The following ARL9 variants were observed in gnomAD, a reference collection of about 807,000 sequenced individuals.
The protein encoded by ARL9 is ADP-ribosylation factor-like protein 9.
A neutral mutation model predicts 27.0 loss-of-function variants in ARL9; 14 were observed. The ratio of observed to expected loss-of-function variants is 0.52; its 90% CI spans 0.34 to 0.81. The LOEUF (loss-of-function observed/expected upper bound fraction) is 0.81, where lower values mean the gene tolerates loss of function less well. Among genes scored for constraint, ARL9 ranks in the 30% least tolerant of loss-of-function variants. The pLI, the probability that ARL9 is intolerant of heterozygous loss-of-function variation, is 0.01. For synonymous variants in ARL9, 106 were observed against 108.7 expected, an observed-to-expected ratio of 0.98 and a Z score of 0.15; for missense variants, 294 against 290.0, an observed-to-expected ratio of 1.01 and a Z score of -0.10.
intron 1 of ARL9, among the ~76,000 whole-genome samples, chr4:56,507,391 T>C (rs2110140860): frequency 6.6e-6 from 1 of 151,244 alleles, no homozygotes; most frequent in East Asian, 2.0e-4. Context: ...CTCGGCTCAC[T>C]GCAACCTCCA....
At chr4:56,508,945 G>C (rs1013841119) in intron 1 of ARL9, among the ~76,000 whole-genome samples, 14 of 152,110 alleles carry the variant, frequency 9.2e-5, no homozygotes, top group African/African-American at 3.4e-4. Context: ...CGCCATTGAA[G>C]ACAATTATTA....
At chr4:56,522,943 A>G (rs1421861617) in intron 3 of ARL9, among the ~76,000 whole-genome samples, 1 of 152,250 alleles carries the variant, frequency 6.6e-6, no homozygotes, top group African/African-American at 2.4e-5. Flanking sequence ...AATAATGAGC[A>G]CAAAAGAAAA....
In ARL9 at chr4:56,506,079, G is replaced by A; in HGVS notation, c.217G>A (p.Gly73Arg). 8.1e-7 allele frequency: 1 copy of A among 1,235,110 alleles called. No individual in the cohort carries two copies. Among genetic ancestry groups the A allele is most frequent in the Non-Finnish European group, 1.0e-6 (1 of 990,080 alleles). The allele number at this position is 1,235,110 out of a possible 1,614,324, so 76.5% of individuals were successfully genotyped here. The change falls in exon 1 of 4, where the codon GGA becomes AGA. Residue 73 changes from glycine to arginine, a missense_variant. Coordinates refer to ENST00000640821, the MANE Select transcript of ARL9 (RefSeq NM_001363794.2). The stretch of plus-strand genomic sequence containing the variant: ...AAACAAAGAGAAGGAACAATTTAAG[G>A]GACAAGAAGAGAAAGGGGAGAACAA... ...ETNKEKEQFK[G>R]QEEKGENKDS...
intron 1 of ARL9, among the ~76,000 whole-genome samples, chr4:56,509,169 C>A (rs570334733): frequency 2.6e-5 from 4 of 151,554 alleles, no homozygotes; most frequent in Non-Finnish European, 4.4e-5. Context: ...AAGGCTAATA[C>A]GTTGATAGAA....
intron 1 of ARL9, among the ~76,000 whole-genome samples, chr4:56,510,168 A>G (rs1249959953): frequency 6.6e-6 from 1 of 151,630 alleles, no homozygotes; most frequent in East Asian, 2.0e-4. Flanking sequence ...GACCAGCCTG[A>G]CCAACATGGT....
intron 1 of ARL9, among the ~76,000 whole-genome samples, chr4:56,508,575 C>T (rs1414260496): frequency 2.0e-5 from 3 of 152,032 alleles, no homozygotes; most frequent in African/African-American, 4.8e-5. Context: ...TACTAGAGAC[C>T]GGATTTCACC....
At chr4:56,519,253 A>T (rs1371981888) in intron 3 of ARL9, among the ~76,000 whole-genome samples, 1 of 152,192 alleles carries the variant, frequency 6.6e-6, no homozygotes, top group Admixed American at 6.5e-5. Context: ...ACCCTTGTGC[A>T]CTGTTGGTGA....
At position 56,523,992 on chromosome 4, in the gene ARL9, G is replaced by A; in HGVS notation, c.*116G>A. The A allele has an allele frequency of 1.0e-6, 1 of 993,912 alleles. No individual in the cohort carries two copies. Among genetic ancestry groups the A allele is most frequent in the Non-Finnish European group, 1.4e-6 (1 of 701,730 alleles). The allele number at this position is 993,912 out of a possible 1,614,324, so 61.6% of individuals were successfully genotyped here. A position where few individuals can be genotyped will look rare whatever the true frequency, so the allele number is the denominator to read the frequency against. The stretch of plus-strand genomic sequence containing the variant: ...AATTAAGCCATTTCCTATTTTCTCA[G>A]TGCATGGGATGTATATAGTTAGCCC... On this transcript the variant is annotated 3_prime_UTR_variant, in exon 4 of 4. Coordinates refer to ENST00000640821, the MANE Select transcript of ARL9 (RefSeq NM_001363794.2).
In ARL9 at chr4:56,511,240, TC is replaced by T. The variant is rs753057564; in HGVS notation, c.337del (p.Leu113CysfsTer4). 2.5e-6 allele frequency: 4 copies of T among 1,613,498 alleles called. No individual in the cohort carries two copies. The highest frequency in any genetic ancestry group is 3.4e-6 in the Non-Finnish European group (4 of 1,179,640). On this transcript the variant is annotated frameshift_variant, in exon 2 of 4. Coordinates refer to ENST00000640821, the MANE Select transcript of ARL9 (RefSeq NM_001363794.2). LOFTEE classifies it high-confidence loss of function. Reference protein sequence around the residue: ...LGLDGAGKTSVLHSLASNRVQ... With the variant: ...LGLDGAGKTSXLHSLASNRVQ... Reference sequence around the variant, plus strand: ...CTGGATGGAGCAGGAAAAACCAGTGTCCTGCACTCTCTAGCTTCAAACAGAG... The same window carrying T: ...CTGGATGGAGCAGGAAAAACCAGTGTCTGCACTCTCTAGCTTCAAACAGAG...
chr4:56,521,183 C>T (rs999875358), intron 3 of ARL9, among the ~76,000 whole-genome samples: 1 of 150,098 alleles, frequency 6.7e-6, no homozygotes, highest in Non-Finnish European at 1.5e-5. Flanking sequence ...TGCACTCCAG[C>T]CTGGGTGACA....
chr4:56,512,152 C>A (rs1721653217), intron 2 of ARL9, among the ~76,000 whole-genome samples: 2 of 152,206 alleles, frequency 1.3e-5, no homozygotes, highest in African/African-American at 2.4e-5. Context: ...CTTTGTACTG[C>A]CCCTATGCAA....
intron 1 of ARL9, among the ~76,000 whole-genome samples, 193 bp downstream of exon 1, chr4:56,506,334 G>A (rs531147880): frequency 6.6e-6 from 1 of 152,180 alleles, no homozygotes; most frequent in South Asian, 2.1e-4. Context: ...CGGGCCCCCT[G>A]CCCACCCTAG....
In ARL9 at chr4:56,509,437, C is replaced by T. The variant is rs556904259; in HGVS notation, c.280-1748C>T. On this transcript the variant is annotated intron_variant, in intron 1 of 3. Transcript: ENST00000640821. ...CTGGTTCCAAACTCTTGGCCTCAAG[C>T]GATCCACCAGCGTCAGCCTCCTCAA... Among the ~76,000 whole-genome samples, 7 of 151,936 alleles carry T rather than the reference C, an allele frequency of 4.6e-5. No homozygotes were observed. In the South Asian group the frequency reaches 8.3e-4, roughly 18 times the overall value.
chr4:56,509,835 G>T (rs886765547), intron 1 of ARL9, among the ~76,000 whole-genome samples: 6 of 150,756 alleles, frequency 4.0e-5, no homozygotes, highest in African/African-American at 1.5e-4. Context: ...AGCCTCCCGT[G>T]TAGCTGGGAC....
At chr4:56,516,586 A>C (rs1291785660) in intron 2 of ARL9, among the ~76,000 whole-genome samples, 1 of 56,044 alleles carries the variant, frequency 1.8e-5, no homozygotes, top group Non-Finnish European at 3.2e-5. Flanking sequence ...AAATTAGGCA[A>C]AAAAAAAAAA....
intron 1 of ARL9, among the ~76,000 whole-genome samples, chr4:56,509,169 C>T (rs570334733): frequency 5.3e-5 from 8 of 151,670 alleles, no homozygotes; most frequent in East Asian, 3.9e-4. Flanking sequence ...AAGGCTAATA[C>T]GTTGATAGAA....
intron 3 of ARL9, among the ~76,000 whole-genome samples, chr4:56,519,708 T>C (rs1213435346): frequency 6.6e-6 from 1 of 152,222 alleles, no homozygotes; most frequent in Non-Finnish European, 1.5e-5. Flanking sequence ...TGTTTGGCTG[T>C]TTTATGTTTC....
chr4:56,506,329 C>A (rs769729693), intron 1 of ARL9, among the ~76,000 whole-genome samples, 188 bp downstream of exon 1: 1 of 152,160 alleles, frequency 6.6e-6, no homozygotes, highest in African/African-American at 2.4e-5. Flanking sequence ...TTTCCCGGGC[C>A]CCCTGCCCAC....
intron 1 of ARL9, among the ~76,000 whole-genome samples, chr4:56,507,372 T>C (rs1327141036): frequency 6.6e-6 from 1 of 151,646 alleles, no homozygotes; most frequent in Non-Finnish European, 1.5e-5. Flanking sequence ...TTGAGTACAG[T>C]GGCGTGATCT....
Sources: allele counts gnomAD v4.1 joint callset (sites outside exome capture counted in the v4.1 genomes callset), GRCh38; gene constraint gnomAD v4.1.1; transcripts MANE v1.5; gene names NCBI Gene and HGNC (gene_info 2026-07-23, HGNC 2026-07-21).